Variants in CTNNA3 observed in about 807,000 individuals in gnomAD.
CTNNA3 encodes the protein catenin alpha 3.
A neutral mutation model predicts 95.7 loss-of-function variants in CTNNA3; 76 were observed. That is an observed-to-expected ratio of 0.79 (90% CI 0.66 to 0.96). The LOEUF (loss-of-function observed/expected upper bound fraction) is 0.96, where lower values mean the gene tolerates loss of function less well. CTNNA3 is among the 40% of genes least tolerant of loss of function. The probability of loss-of-function intolerance (pLI) is 0.00; values close to 1 mark genes in which losing one functional copy is unlikely to be tolerated. For synonymous variants in CTNNA3, 431 were observed against 374.4 expected, an observed-to-expected ratio of 1.15 and a Z score of -1.74; for missense variants, 1,191 against 1,089.8, an observed-to-expected ratio of 1.09 and a Z score of -1.31.
intron 1 of CTNNA3, among the ~76,000 whole-genome samples, chr10:67,732,387 TATC>T (rs749794323): frequency 1.8e-4 from 28 of 152,206 alleles, no homozygotes; most frequent in Non-Finnish European, 3.2e-4. Flanking sequence ...ATGAAAAAAG[TATC>T]ATAAAAATCT....
At chr10:66,197,173 G>GT (rs574300914) in intron 13 of CTNNA3, among the ~76,000 whole-genome samples, 288 of 151,792 alleles carry the variant, frequency 1.9e-3, no homozygotes, top group African/African-American at 3.2e-3. Flanking sequence ...GATCTCTAGA[G>GT]TTTTTTTACA....
intron 9 of CTNNA3, among the ~76,000 whole-genome samples, chr10:66,744,932 T>G (rs1215253206): frequency 6.6e-6 from 1 of 152,214 alleles, no homozygotes; most frequent in African/African-American, 2.4e-5. Flanking sequence ...TTTAATGACC[T>G]TTGAAATATC....
chr10:66,610,009 A>G (rs1345279110), intron 10 of CTNNA3, among the ~76,000 whole-genome samples: 1 of 152,172 alleles, frequency 6.6e-6, no homozygotes, highest in Non-Finnish European at 1.5e-5. Flanking sequence ...CAGAAAGCCA[A>G]ATACTTCATG....
chr10:66,775,068 A>C (rs1194471648), intron 8 of CTNNA3, among the ~76,000 whole-genome samples: 1 of 152,130 alleles, frequency 6.6e-6, no homozygotes, highest in East Asian at 1.9e-4. Flanking sequence ...TTCCCTAAAA[A>C]CTTGCTATGG....
At chr10:65,997,429 G>T (rs975679535) in intron 15 of CTNNA3, among the ~76,000 whole-genome samples, 17 of 152,152 alleles carry the variant, frequency 1.1e-4, no homozygotes, top group African/African-American at 4.1e-4. Context: ...TTAGCCAACA[G>T]AATACTACAG....
chr10:66,331,500 C>T (rs563350400), intron 12 of CTNNA3, among the ~76,000 whole-genome samples: 32 of 151,032 alleles, frequency 2.1e-4, no homozygotes, highest in Admixed American at 9.9e-4. Flanking sequence ...ACTACAGGCG[C>T]GCACCACCAT....
intron 14 of CTNNA3, among the ~76,000 whole-genome samples, chr10:66,099,460 T>C (rs886873913): frequency 2.0e-5 from 3 of 152,118 alleles, no homozygotes; most frequent in African/African-American, 7.2e-5. Context: ...GATATTAGTA[T>C]AAAGAATATG....
Position 67,001,233 on chromosome 10 carries a change from G to A in CTNNA3, c.1047+179084C>T, listed in dbSNP as rs1040466230. On this transcript the variant is annotated intron_variant, in intron 7 of 17. Transcript: ENST00000433211. The stretch of plus-strand genomic sequence containing the variant: ...GGAGAATCGCTTGAACCAGGGACTC[G>A]GAGGTTGCAGTGAGCCGAGATGGAG... 5.3e-5 allele frequency among the ~76,000 whole-genome samples: 8 copies of A among 150,520 alleles called. No homozygotes were observed. In the South Asian group the frequency reaches 8.4e-4, roughly 16 times the overall value.
intron 7 of CTNNA3, among the ~76,000 whole-genome samples, chr10:66,817,590 C>A (rs976897044): frequency 6.6e-6 from 1 of 151,862 alleles, no homozygotes; most frequent in Non-Finnish European, 1.5e-5. Context: ...TTCCTAGAAA[C>A]TAGCTACACT....
At position 67,511,064 on chromosome 10, in the gene CTNNA3, G is replaced by GT. The variant is rs746506468; in HGVS notation, c.579+10777dup. ...TTTTGTATCCTGAGACTTTGCTGAA[G>GT]TTTTTTATCAGCTTAAGGAGATTTG... On this transcript the variant is annotated intron_variant, in intron 5 of 17. Transcript: ENST00000433211. Among the ~76,000 whole-genome samples the GT allele has an allele frequency of 3.3e-5, 5 of 152,312 alleles. No homozygotes were observed. In the East Asian group the frequency reaches 7.7e-4, roughly 24 times the overall value.
chr10:66,210,490 C>T (rs1371891276), intron 13 of CTNNA3, among the ~76,000 whole-genome samples: 1 of 151,922 alleles, frequency 6.6e-6, no homozygotes. Context: ...TTAGAGTTAG[C>T]AATGAGAAAG....
At chr10:67,605,798 C>T (rs1192120598) in intron 3 of CTNNA3, among the ~76,000 whole-genome samples, 1 of 152,056 alleles carries the variant, frequency 6.6e-6, no homozygotes, top group African/African-American at 2.4e-5. Context: ...CCTGCTTCAG[C>T]CTCCCAAGTT....
chr10:67,548,514 C>A (rs931400315), intron 3 of CTNNA3, among the ~76,000 whole-genome samples: 1 of 152,022 alleles, frequency 6.6e-6, no homozygotes, highest in South Asian at 2.1e-4. Flanking sequence ...AAAAGAGGGG[C>A]AAAGTTATAG....
At chr10:67,540,709 ATATGT>A (rs1327483864) in intron 3 of CTNNA3, among the ~76,000 whole-genome samples, 1 of 151,998 alleles carries the variant, frequency 6.6e-6, no homozygotes, top group Non-Finnish European at 1.5e-5. Flanking sequence ...AACATATTTT[ATATGT>A]TATAAGAAGA....
intron 13 of CTNNA3, among the ~76,000 whole-genome samples, chr10:66,199,792 TATATATA>T (rs2087238563): frequency 6.1e-5 from 1 of 16,270 alleles, no homozygotes; most frequent in African/African-American, 2.1e-4. Context: ...TATATATATA[TATATATA>T]TATATATTTT....
intron 5 of CTNNA3, among the ~76,000 whole-genome samples, chr10:67,238,400 A>G (rs1435944706): frequency 6.6e-6 from 1 of 152,074 alleles, no homozygotes; most frequent in African/African-American, 2.4e-5. Context: ...GGCCAAATAT[A>G]TATTTATATT....
intron 12 of CTNNA3, among the ~76,000 whole-genome samples, chr10:66,358,548 A>T (rs2132415048): frequency 6.6e-6 from 1 of 152,284 alleles, no homozygotes; most frequent in African/African-American, 2.4e-5. Context: ...TTGGTGCCAC[A>T]AGCTACCCAG....
chr10:67,222,124 C>A (rs976328011), intron 5 of CTNNA3, among the ~76,000 whole-genome samples: 4 of 152,106 alleles, frequency 2.6e-5, no homozygotes, highest in African/African-American at 9.7e-5. Flanking sequence ...TAATAAATGG[C>A]TTGTGCTACT....
chr10:67,405,956 T>C (rs750681557), intron 5 of CTNNA3, among the ~76,000 whole-genome samples: 1 of 152,138 alleles, frequency 6.6e-6, no homozygotes, highest in Non-Finnish European at 1.5e-5. Flanking sequence ...TCCTCTTGAA[T>C]TGTACTTCCC....
Sources: allele counts gnomAD v4.1 joint callset (sites outside exome capture counted in the v4.1 genomes callset), GRCh38; gene constraint gnomAD v4.1.1; transcripts MANE v1.5; gene names NCBI Gene and HGNC (gene_info 2026-07-23, HGNC 2026-07-21).